The following MAP4 variants were observed in gnomAD, a reference collection of about 807,000 sequenced individuals.
MAP4 encodes the protein microtubule associated protein 4.
A neutral mutation model predicts 170.2 loss-of-function variants in MAP4; 76 were observed. The observed-to-expected ratio is 0.45, with a 90% CI of 0.37 to 0.54. The LOEUF (loss-of-function observed/expected upper bound fraction) is 0.54. Ranked by LOEUF, MAP4 falls within the 20% of genes least tolerant of loss-of-function variation. MAP4 has a pLI of 0.00. For synonymous variants in MAP4, 909 were observed against 994.5 expected (o/e 0.91, Z 1.62); for missense variants, 2,506 against 2,748.0 (o/e 0.91, Z 1.97).
At chr3:47,873,492 G>T (rs1182020289) in intron 12 of MAP4, among the ~76,000 whole-genome samples, 4 of 152,184 alleles carry the variant, frequency 2.6e-5, no homozygotes, top group Non-Finnish European at 4.4e-5. Context: ...ATCGTTAAAT[G>T]GAAAAATCAG....
intron 3 of MAP4, among the ~76,000 whole-genome samples, chr3:47,948,577 A>G (rs766295634): frequency 2.0e-5 from 3 of 152,068 alleles, no homozygotes; most frequent in Non-Finnish European, 2.9e-5. Context: ...GTACAAACAC[A>G]TACCAAGTCA....
At chr3:47,996,128 C>A (rs1265892386) in intron 2 of MAP4, among the ~76,000 whole-genome samples, 1 of 152,172 alleles carries the variant, frequency 6.6e-6, no homozygotes, top group African/African-American at 2.4e-5. Context: ...AAAGCATGAA[C>A]CCCTCCCACT....
intron 3 of MAP4, among the ~76,000 whole-genome samples, chr3:47,944,778 C>A (rs1384636634): frequency 6.6e-6 from 1 of 151,422 alleles, no homozygotes; most frequent in Admixed American, 6.6e-5. Flanking sequence ...TATATATATC[C>A]CCTATAGAAG....
chr3:47,892,539 A>G (rs1411825791), intron 10 of MAP4: 1 of 1,472,242 alleles, frequency 6.8e-7, no homozygotes, highest in East Asian at 2.5e-5. Context: ...GAGCTCTAAT[A>G]CCACCTACGA....
chr3:47,889,621 T>G (rs1471042167), intron 10 of MAP4, among the ~76,000 whole-genome samples: 2 of 152,246 alleles, frequency 1.3e-5, no homozygotes, highest in Admixed American at 1.3e-4. Context: ...TCTGAAATTT[T>G]TTTCTATTAG....
At chr3:47,975,589 T>G (rs1265031466) in intron 3 of MAP4, 1 of 732,978 alleles carries the variant, frequency 1.4e-6, no homozygotes, top group Non-Finnish European at 2.5e-6. Flanking sequence ...AAGCTATTAA[T>G]GAAGCTGGTT....
chr3:48,061,006 G>A (rs1409056047), intron 1 of MAP4, among the ~76,000 whole-genome samples: 6 of 151,702 alleles, frequency 4.0e-5, no homozygotes, highest in South Asian at 2.1e-4. Context: ...CACCACGCCC[G>A]GCTAATTTTT....
intron 3 of MAP4, among the ~76,000 whole-genome samples, chr3:47,964,932 A>G (rs1313476263): frequency 6.6e-6 from 1 of 152,204 alleles, no homozygotes; most frequent in Admixed American, 6.5e-5. Flanking sequence ...TTGTGCAATC[A>G]TCACCACCAT....
chr3:47,888,471 G>A (rs1469667113), intron 10 of MAP4, among the ~76,000 whole-genome samples: 6 of 151,886 alleles, frequency 4.0e-5, no homozygotes, highest in Non-Finnish European at 7.4e-5. Flanking sequence ...AACTCCAGAC[G>A]CGCTGCCTTA....
Position 47,911,323 on chromosome 3 carries a change from GAAGTA to G in MAP4, c.3093_3097del (p.Thr1032Ter), listed in dbSNP as rs2100035859. The G allele has an allele frequency of 3.9e-6, 6 of 1,535,988 alleles. No individual in the cohort carries two copies. The highest frequency in any genetic ancestry group is 4.4e-6 in the Non-Finnish European group (5 of 1,146,918). On this transcript the variant is annotated frameshift_variant, in exon 9 of 21. Transcript: ENST00000683076. LOFTEE classifies it high-confidence loss of function. The surrounding 1 kb of genome is among the most constrained non-coding windows in gnomAD (Gnocchi z 4.0). ...CAACACTTGGCCCTGCAGCTGCTCA[GAAGTA>G]AAGATGCTGATCTCTTGTCTTTCGT...
intron 3 of MAP4, among the ~76,000 whole-genome samples, chr3:47,963,256 A>C (rs2100072767): frequency 6.6e-6 from 1 of 152,270 alleles, no homozygotes; most frequent in South Asian, 2.1e-4. Context: ...ACAAAAGTAT[A>C]TAATGGGTTG....
intron 1 of MAP4, among the ~76,000 whole-genome samples, chr3:48,055,228 CCGT>C (rs2100130321): frequency 6.9e-6 from 1 of 144,844 alleles, no homozygotes; most frequent in African/African-American, 2.6e-5. Context: ...GTCTCCGTCT[CCGT>C]CTCCGTCTCC....
At chr3:47,960,512 C>T (rs1039005256) in intron 3 of MAP4, 1 of 170,966 alleles carries the variant, frequency 5.8e-6, no homozygotes, top group South Asian at 1.7e-4. Flanking sequence ...CAGTTGTAAC[C>T]CCATATGTTG....
At chr3:48,002,161 A>C (rs1199293436) in intron 1 of MAP4, among the ~76,000 whole-genome samples, 1 of 151,832 alleles carries the variant, frequency 6.6e-6, no homozygotes, top group African/African-American at 2.4e-5. Flanking sequence ...ACGTCTGTGA[A>C]TAGCCACCAC....
At chr3:47,977,742 A>G (rs6770467) in intron 3 of MAP4, 123 bp downstream of exon 3, 428,720 of 652,126 alleles carry the variant, frequency 0.66, 143,570 homozygotes, top group East Asian at 0.73. Context: ...CTCCAACAAG[A>G]ACACTACCAC....
chr3:48,074,726 G>GAT (rs1553754624), intron 1 of MAP4, among the ~76,000 whole-genome samples: 1 of 147,556 alleles, frequency 6.8e-6, no homozygotes, highest in African/African-American at 2.5e-5. Flanking sequence ...GTGTGTGTGT[G>GAT]ATATGTCGGC....
intron 17 of MAP4, among the ~76,000 whole-genome samples, chr3:47,862,161 CAAAAAAA>C (rs58780669): frequency 2.4e-5 from 2 of 82,728 alleles, no homozygotes; most frequent in East Asian, 7.9e-4. Flanking sequence ...ACTCTGTCTC[CAAAAAAA>C]AAAAAAAAAA....
intron 3 of MAP4, among the ~76,000 whole-genome samples, chr3:47,949,266 C>A (rs892566847): frequency 6.6e-6 from 1 of 151,822 alleles, no homozygotes; most frequent in Non-Finnish European, 1.5e-5. Flanking sequence ...AGGAGTTCAA[C>A]ACCAGCCTGG....
At chr3:47,882,876 G>A (rs565901699) in intron 10 of MAP4, among the ~76,000 whole-genome samples, 2 of 151,716 alleles carry the variant, frequency 1.3e-5, no homozygotes, top group African/African-American at 2.4e-5. Context: ...GCACAATCTC[G>A]GCTCACTGCA....
Sources: allele counts gnomAD v4.1 joint callset (sites outside exome capture counted in the v4.1 genomes callset), GRCh38; gene constraint gnomAD v4.1.1; non-coding constraint Gnocchi (gnomAD v3.1); transcripts MANE v1.5; gene names NCBI Gene and HGNC (gene_info 2026-07-23, HGNC 2026-07-21).